CDC14A: variants seen among roughly 807,000 people sequenced by gnomAD.
CDC14A encodes cell division cycle 14A.
Under a neutral mutation model 74.4 loss-of-function variants are expected in CDC14A, and 53 were observed. The observed-to-expected ratio is 0.71, with a 90% CI of 0.57 to 0.89. The LOEUF (loss-of-function observed/expected upper bound fraction) is 0.89. CDC14A is among the 40% of genes least tolerant of loss of function. CDC14A has a pLI of 0.00. For missense variants in CDC14A, 646 were observed against 713.7 expected (o/e 0.91, Z 1.08); for synonymous variants, 247 against 258.4 (o/e 0.96, Z 0.43).
intron 4 of CDC14A, among the ~76,000 whole-genome samples, chr1:100,407,095 C>T (rs1364975222): frequency 6.6e-6 from 1 of 152,158 alleles, no homozygotes; most frequent in Non-Finnish European, 1.5e-5. Flanking sequence ...TGTTTGGTTA[C>T]TGTAGCCTTG....
At chr1:100,443,450 C>T (rs898842591) in intron 7 of CDC14A, among the ~76,000 whole-genome samples, 24 of 152,058 alleles carry the variant, frequency 1.6e-4, no homozygotes, top group South Asian at 4.1e-4. Context: ...ATCCTCCCAC[C>T]TCAGCCTCCC....
Position 100,495,989 on chromosome 1 carries a change from T to C in CDC14A, c.1251-13T>C. ...CCTGGTGATATGTGAGCATCTGTCTTTGATTTCCGCAGGTCAGATGATACA... is the reference window on the plus strand; with the variant it reads ...CCTGGTGATATGTGAGCATCTGTCTCTGATTTCCGCAGGTCAGATGATACA... On this transcript the variant is annotated splice_polypyrimidine_tract_variant and intron_variant, in intron 12 of 15. Coordinates refer to ENST00000336454, the MANE Select transcript of CDC14A (RefSeq NM_003672.4). 1 of 1,613,340 alleles carries C rather than the reference T, an allele frequency of 6.2e-7. No individual in the cohort carries two copies. The highest frequency in any genetic ancestry group is 1.3e-5 in the African/African-American group (1 of 75,030).
In CDC14A at chr1:100,508,379, G is replaced by A. The variant is rs1646747814; in HGVS notation, c.1755+9117G>A. On this transcript the variant is annotated intron_variant, in intron 15 of 15. Coordinates refer to ENST00000336454, the MANE Select transcript of CDC14A (RefSeq NM_003672.4). This position sits in a 1 kb window ranked among gnomAD's most constrained non-coding sequence, Gnocchi z 4.4. ...TGCTTTGCTATTTGCATTTCATCCTGTGAGAGTTTGCCTTGTGGTTGCATA... is the reference window on the plus strand; with the variant it reads ...TGCTTTGCTATTTGCATTTCATCCTATGAGAGTTTGCCTTGTGGTTGCATA... Among the ~76,000 whole-genome samples, 1 of 152,010 alleles carries A rather than the reference G, an allele frequency of 6.6e-6. No homozygotes were observed. Among genetic ancestry groups the A allele is most frequent in the South Asian group, 2.1e-4 (1 of 4,822 alleles).
chr1:100,390,898 C>A (rs1260737407), intron 4 of CDC14A, 74 bp downstream of exon 4: 1 of 1,110,920 alleles, frequency 9.0e-7, no homozygotes, highest in Non-Finnish European at 1.4e-6. Context: ...AAAATCCAAA[C>A]CAGTTTTTCA....
chr1:100,498,998 C>A lies in CDC14A; in HGVS notation c.1491C>A (p.Asn497Lys). ...NLNAATDDPE[N>K]KKTSSSSKAG... Reference sequence around the variant, plus strand: ...ATGCTGCAACAGATGATCCAGAGAACAAAAAGACCTCCTCATCCTCTAAGG... The same window carrying A: ...ATGCTGCAACAGATGATCCAGAGAAAAAAAAGACCTCCTCATCCTCTAAGG... The change falls in exon 15 of 16, where the codon AAC becomes AAA. Residue 497 changes from asparagine (N) to lysine (K), a missense_variant. Transcript: ENST00000336454. 6.2e-7 allele frequency: 1 copy of A among 1,614,146 alleles called. No homozygotes were observed. Among genetic ancestry groups the A allele is most frequent in the Admixed American group, 1.7e-5 (1 of 60,028 alleles).
chr1:100,440,394 TG>T (rs1664796480), intron 6 of CDC14A, among the ~76,000 whole-genome samples: 1 of 152,058 alleles, frequency 6.6e-6, no homozygotes, highest in African/African-American at 2.4e-5. Context: ...ACAAAAACTC[TG>T]GGGGTGGAGC....
chr1:100,364,212 T>TA (rs1653215979), intron 2 of CDC14A, among the ~76,000 whole-genome samples: 1 of 151,900 alleles, frequency 6.6e-6, no homozygotes, highest in African/African-American at 2.4e-5. Context: ...TTTTTTTTTT[T>TA]AATTTTTTAT....
intron 9 of CDC14A, among the ~76,000 whole-genome samples, chr1:100,467,407 G>GCA (rs372826633): frequency 5.4e-5 from 8 of 148,982 alleles, no homozygotes; most frequent in Admixed American, 4.7e-4. Context: ...ACACACGCGC[G>GCA]CACACACACA....
chr1:100,444,281 C>T (rs1314510774), intron 7 of CDC14A, among the ~76,000 whole-genome samples: 1 of 152,170 alleles, frequency 6.6e-6, no homozygotes, highest in South Asian at 2.1e-4. Flanking sequence ...TCAGGTCTCA[C>T]GTCTTTTCCT....
chr1:100,491,538 CTCTCTCTCTCTA>C (rs1464116197), intron 11 of CDC14A, among the ~76,000 whole-genome samples: 14 of 38,552 alleles, frequency 3.6e-4, no homozygotes, highest in African/African-American at 1.2e-3. Context: ...CTCTCTCTCT[CTCTCTCTCTCTA>C]TATATATATA....
chr1:100,459,050 T>C (rs1667011412), intron 8 of CDC14A, among the ~76,000 whole-genome samples: 2 of 150,250 alleles, frequency 1.3e-5, no homozygotes, highest in African/African-American at 5.0e-5. Flanking sequence ...TGTAAAAATG[T>C]CTCTTAAGTG....
intron 10 of CDC14A, among the ~76,000 whole-genome samples, chr1:100,477,543 C>T (rs914568278): frequency 2.0e-5 from 3 of 151,630 alleles, no homozygotes; most frequent in East Asian, 1.9e-4. Flanking sequence ...CTCAGAGAGA[C>T]AAGGACTTAT....
At chr1:100,391,988 A>C (rs1019536191) in intron 4 of CDC14A, among the ~76,000 whole-genome samples, 1 of 152,228 alleles carries the variant, frequency 6.6e-6, no homozygotes, top group African/African-American at 2.4e-5. Context: ...AGTGTCTAAG[A>C]GTCAGAAAAC....
At chr1:100,429,206 AAAAT>A (rs10529924) in intron 5 of CDC14A, among the ~76,000 whole-genome samples, 5 of 113,398 alleles carry the variant, frequency 4.4e-5, no homozygotes, top group South Asian at 2.4e-4. Context: ...TCCATCTCAA[AAAAT>A]AAATAAATAA....
At chr1:100,454,235 G>A (rs1216589825) in intron 7 of CDC14A, among the ~76,000 whole-genome samples, 1 of 151,780 alleles carries the variant, frequency 6.6e-6, no homozygotes, top group African/African-American at 2.4e-5. Flanking sequence ...TTCTACTGTT[G>A]AGGTCCTTGC....
chr1:100,399,143 G>A (rs922482474), intron 4 of CDC14A, among the ~76,000 whole-genome samples: 1 of 152,094 alleles, frequency 6.6e-6, no homozygotes, highest in Non-Finnish European at 1.5e-5. Flanking sequence ...TTCTCTCGCA[G>A]TTCTAAACCT....
At chr1:100,474,005 A>G (rs2101296059) in intron 10 of CDC14A, among the ~76,000 whole-genome samples, 1 of 152,276 alleles carries the variant, frequency 6.6e-6, no homozygotes, top group East Asian at 1.9e-4. Context: ...GTTCTTTATC[A>G]GGTCGAGGCG....
At chr1:100,489,582 G>GTTTTTTTTTTTTTTT (rs5776511) in intron 11 of CDC14A, among the ~76,000 whole-genome samples, 15 of 146,872 alleles carry the variant, frequency 1.0e-4, no homozygotes, top group African/African-American at 3.8e-4. Flanking sequence ...CATCACTCAT[G>GTTTTTTTTTTTTTTT]TTTTTTTTTT....
intron 8 of CDC14A, among the ~76,000 whole-genome samples, chr1:100,455,949 C>G (rs28364874): frequency 0.029 from 4,445 of 152,282 alleles, 80 homozygotes; most frequent in Non-Finnish European, 0.044. Flanking sequence ...CAGCATTTAT[C>G]TCTTTTAACA....
Sources: gnomAD v4.1 joint callset for allele counts (sites outside exome capture counted in the v4.1 genomes callset) on GRCh38, gnomAD v4.1.1 for gene constraint, Gnocchi (gnomAD v3.1) non-coding constraint, MANE v1.5 for transcripts, NCBI Gene and HGNC (gene_info 2026-07-23, HGNC 2026-07-21) for gene names.